RGS7: variants seen among roughly 807,000 people sequenced by gnomAD.
The protein encoded by RGS7 is regulator of G protein signaling 7.
In RGS7, 27 loss-of-function variants were observed where a neutral mutation model predicts 81.1. The ratio of observed to expected loss-of-function variants is 0.33; its 90% confidence interval spans 0.25 to 0.46. The LOEUF (loss-of-function observed/expected upper bound fraction) is 0.46. Ranked by LOEUF, RGS7 falls within the 20% of genes least tolerant of loss-of-function variation. The pLI is 1.00. For synonymous variants in RGS7, 208 were observed against 207.7 expected (o/e 1.00, Z -0.01); for missense variants, 396 against 607.4 (o/e 0.65, Z 3.66).
At chr1:241,178,284 C>T (rs1190038638) in intron 2 of RGS7, among the ~76,000 whole-genome samples, 2 of 151,792 alleles carry the variant, frequency 1.3e-5, no homozygotes, top group Non-Finnish European at 2.9e-5. Flanking sequence ...AAAGCAAGAC[C>T]CTGTCTCTAA....
chr1:241,353,566 A>C (rs1265919033), intron 2 of RGS7, among the ~76,000 whole-genome samples: 2 of 152,234 alleles, frequency 1.3e-5, no homozygotes, highest in Non-Finnish European at 2.9e-5. Context: ...AAGCATTAAG[A>C]GTAAAATGTA....
intron 18 of RGS7, among the ~76,000 whole-genome samples, chr1:240,790,674 G>A (rs770741746): frequency 3.9e-5 from 6 of 152,242 alleles, no homozygotes; most frequent in Non-Finnish European, 5.9e-5. Flanking sequence ...TGCTGTCTAC[G>A]GGTACCACAT....
chr1:241,224,675 C>T (rs1452089102), intron 2 of RGS7, among the ~76,000 whole-genome samples: 10 of 152,114 alleles, frequency 6.6e-5, no homozygotes, highest in African/African-American at 1.4e-4. Flanking sequence ...ATAAATATCA[C>T]GAAGTACATA....
At chr1:241,005,634 A>G (rs1449570126) in intron 3 of RGS7, among the ~76,000 whole-genome samples, 1 of 152,102 alleles carries the variant, frequency 6.6e-6, no homozygotes, top group Non-Finnish European at 1.5e-5. Flanking sequence ...TCCCAGGTTC[A>G]AGCAATTCTC....
chr1:241,046,875 T>G (rs1017078992), intron 3 of RGS7, among the ~76,000 whole-genome samples: 1 of 152,102 alleles, frequency 6.6e-6, no homozygotes, highest in East Asian at 1.9e-4. Context: ...CACCAGCCAG[T>G]AGTGCAATTT....
At chr1:241,190,051 C>A (rs566004829) in intron 2 of RGS7, among the ~76,000 whole-genome samples, 3 of 151,840 alleles carry the variant, frequency 2.0e-5, no homozygotes, top group Admixed American at 6.6e-5. Context: ...TGCAGTGAGC[C>A]GAGATGGCGC....
At chr1:241,190,133 G>C (rs2072523266) in intron 2 of RGS7, among the ~76,000 whole-genome samples, 1 of 151,996 alleles carries the variant, frequency 6.6e-6, no homozygotes, top group Admixed American at 6.6e-5. Flanking sequence ...CTATCTGTAT[G>C]GGTATACTTC....
chr1:241,186,523 A>ATATT lies in RGS7; in HGVS notation c.79-87762_79-87761insAATA, dbSNP rs1456489176. On this transcript the variant is annotated intron_variant, in intron 2 of 18. Transcript: ENST00000440928. ...ACATTTCCTAACCATATATATATAT[A>ATATT]TTTTTTTTTTTTTTTTTTGAGACGG... The ATATT allele has an allele frequency of 8.6e-5, 24 of 277,900 alleles. 1 individual carries two copies. Among genetic ancestry groups the ATATT allele is most frequent in the African/African-American group, 5.7e-4 (23 of 40,598 alleles). The allele number at this position is 277,900 out of a possible 1,614,324, so 17.2% of individuals were successfully genotyped here.
rs567914024 is a variant in RGS7 at position 241,039,867 on chromosome 1, C to T, written c.176-56738G>A. On this transcript the variant is annotated intron_variant, in intron 3 of 18. Coordinates refer to ENST00000440928, the MANE Select transcript of RGS7 (RefSeq NM_001364886.1). ...AACCGACTTGCTGTTCAGGAACACC[C>T]GCTTTGGAAATTACATGTTCAATAA... is the stretch of plus-strand genomic sequence containing the variant. Among the ~76,000 whole-genome samples, 55 of 152,252 alleles carry T rather than the reference C, an allele frequency of 3.6e-4. No homozygotes were observed. In the South Asian group the frequency reaches 9.7e-3, roughly 27 times the overall value.
chr1:241,169,971 G>A (rs1174009882), intron 2 of RGS7, among the ~76,000 whole-genome samples: 3 of 151,868 alleles, frequency 2.0e-5, no homozygotes, highest in Admixed American at 6.6e-5. Flanking sequence ...CTCAGATCTC[G>A]GTGGGTATCT....
intron 2 of RGS7, among the ~76,000 whole-genome samples, chr1:241,218,630 C>T (rs1006308286): frequency 6.6e-6 from 1 of 151,984 alleles, no homozygotes; most frequent in Non-Finnish European, 1.5e-5. Context: ...GTGGGGGGGT[C>T]CCAGAATTAC....
chr1:241,227,703 C>A (rs768167608), intron 2 of RGS7, among the ~76,000 whole-genome samples: 11 of 151,892 alleles, frequency 7.2e-5, no homozygotes, highest in Non-Finnish European at 1.5e-4. Flanking sequence ...GATTGCTCCA[C>A]TACATTACAC....
intron 3 of RGS7, among the ~76,000 whole-genome samples, chr1:241,040,314 G>A (rs141968579): frequency 7.2e-5 from 11 of 152,138 alleles, no homozygotes; most frequent in Non-Finnish European, 1.3e-4. Context: ...GAGGTTTGTC[G>A]ATTTTGATAA....
intron 6 of RGS7, among the ~76,000 whole-genome samples, chr1:240,921,688 C>T (rs1312928301): frequency 2.0e-5 from 3 of 152,082 alleles, no homozygotes; most frequent in Admixed American, 6.6e-5. Context: ...CTTAGGCATA[C>T]ATCTAACAAA....
intron 3 of RGS7, among the ~76,000 whole-genome samples, chr1:241,097,817 G>C (rs1214582932): frequency 6.6e-6 from 1 of 151,958 alleles, no homozygotes; most frequent in Non-Finnish European, 1.5e-5. Flanking sequence ...AAACCCGCGG[G>C]GGTTCCTCAT....
intron 3 of RGS7, among the ~76,000 whole-genome samples, chr1:241,049,712 G>A (rs542665046): frequency 3.8e-4 from 58 of 152,282 alleles, no homozygotes; most frequent in African/African-American, 1.2e-3. Context: ...TTCTTGCAAG[G>A]AAAGATGGAA....
intron 3 of RGS7, among the ~76,000 whole-genome samples, chr1:241,010,131 T>C (rs986835050): frequency 3.3e-5 from 5 of 152,126 alleles, no homozygotes; most frequent in African/African-American, 1.2e-4. Flanking sequence ...TATGTATACC[T>C]ATGTAACAAA....
intron 3 of RGS7, among the ~76,000 whole-genome samples, chr1:241,089,063 C>CTATATATATATATATATATATATA (rs1161090389): frequency 4.2e-5 from 1 of 23,684 alleles, no homozygotes; most frequent in Non-Finnish European, 7.4e-5. Context: ...CTCTCTCTCT[C>CTATATATATATATATATATATATA]TATATATATA....
chr1:240,795,906 A>C (rs1159512930), intron 18 of RGS7, among the ~76,000 whole-genome samples: 1 of 152,150 alleles, frequency 6.6e-6, no homozygotes, highest in Non-Finnish European at 1.5e-5. Flanking sequence ...AGGTGAAGAA[A>C]CTGAGGTTCA....
Sources: allele counts gnomAD v4.1 joint callset (sites outside exome capture counted in the v4.1 genomes callset), GRCh38; gene constraint gnomAD v4.1.1; transcripts MANE v1.5; gene names NCBI Gene and HGNC (gene_info 2026-07-23, HGNC 2026-07-21).